The following CNBD1 variants were observed in gnomAD, a reference collection of about 807,000 sequenced individuals.
The protein encoded by CNBD1 is cyclic nucleotide-binding domain-containing protein 1.
Under a neutral mutation model 54.4 loss-of-function variants are expected in CNBD1, and 71 were observed. The observed-to-expected ratio is 1.30, with a 90% CI of 1.08 to 1.59. The LOEUF (loss-of-function observed/expected upper bound fraction) is 1.59. Among genes scored for constraint, CNBD1 ranks in the 40% most tolerant of loss-of-function variants. CNBD1 has a pLI of 0.00. For synonymous variants in CNBD1, 182 were observed against 170.7 expected, an observed-to-expected ratio of 1.07 and a Z score of -0.51; for missense variants, 659 against 518.0, an observed-to-expected ratio of 1.27 and a Z score of -2.64.
Position 87,287,170 on chromosome 8 carries a change from T to C in CNBD1, c.1042+499T>C, listed in dbSNP as rs565418476. Among the ~76,000 whole-genome samples the C allele has an allele frequency of 9.2e-4, 140 of 152,300 alleles. 2 individuals carry two copies. The highest frequency in any genetic ancestry group is 9.2e-3 in the Admixed American group (140 of 15,282). On this transcript the variant is annotated intron_variant, in intron 8 of 10. Transcript: ENST00000518476. ...TAAGAGAAAGCAGCAGTGAAGCACC[T>C]ACATTTTCAATATTCAGCATAGCAA...
chr8:87,345,182 C>G (rs1009309679), intron 8 of CNBD1, among the ~76,000 whole-genome samples: 2 of 152,080 alleles, frequency 1.3e-5, no homozygotes, highest in African/African-American at 4.8e-5. Flanking sequence ...CACACAATAT[C>G]TTATTGAAAT....
chr8:87,419,353 G>T (rs1807887111), intron 2 of CNBD1, among the ~76,000 whole-genome samples: 1 of 151,812 alleles, frequency 6.6e-6, no homozygotes, highest in African/African-American at 2.4e-5. Context: ...TCTTCAGTAT[G>T]AAAATGGTCT....
chr8:87,259,894 T>C (rs964664514), intron 6 of CNBD1, among the ~76,000 whole-genome samples: 1 of 152,176 alleles, frequency 6.6e-6, no homozygotes, highest in Non-Finnish European at 1.5e-5. Flanking sequence ...TGACTTTAGA[T>C]AGGCCAAATG....
intron 4 of CNBD1, among the ~76,000 whole-genome samples, chr8:86,989,536 T>G (rs1808694020): frequency 6.6e-6 from 1 of 152,088 alleles, no homozygotes; most frequent in Non-Finnish European, 1.5e-5. Flanking sequence ...CTGCAACCTC[T>G]GCCTCCCAGG....
chr8:86,901,036 A>G (rs1808924472), intron 2 of CNBD1, among the ~76,000 whole-genome samples: 1 of 152,184 alleles, frequency 6.6e-6, no homozygotes, highest in Admixed American at 6.5e-5. Flanking sequence ...TCACATTTCC[A>G]AAAAATTTTT....
intron 8 of CNBD1, among the ~76,000 whole-genome samples, chr8:87,336,557 G>A (rs1048340609): frequency 3.9e-5 from 6 of 152,120 alleles, no homozygotes; most frequent in Admixed American, 2.6e-4. Flanking sequence ...GGTCATTTAT[G>A]TTTCTCTCTA....
chr8:86,910,310 A>G (rs984999219), intron 3 of CNBD1, among the ~76,000 whole-genome samples: 1 of 152,190 alleles, frequency 6.6e-6, no homozygotes, highest in Non-Finnish European at 1.5e-5. Flanking sequence ...GATTATCCCA[A>G]TTCCCTCTTG....
chr8:87,268,380 C>A (rs1808303273), intron 6 of CNBD1, among the ~76,000 whole-genome samples: 1 of 152,012 alleles, frequency 6.6e-6, no homozygotes, highest in Non-Finnish European at 1.5e-5. Context: ...GATTCCATGT[C>A]TTTGCTATTA....
intron 8 of CNBD1, among the ~76,000 whole-genome samples, chr8:87,343,467 C>T (rs547345857): frequency 6.6e-6 from 1 of 152,300 alleles, no homozygotes; most frequent in South Asian, 2.1e-4. Flanking sequence ...CAACTTAATT[C>T]TTCTGCCATG....
chr8:87,284,132 G>A (rs1430767507), intron 6 of CNBD1, among the ~76,000 whole-genome samples: 1 of 151,928 alleles, frequency 6.6e-6, no homozygotes, highest in Non-Finnish European at 1.5e-5. Flanking sequence ...TATAAATGTA[G>A]GTTCTCTGTG....
intron 8 of CNBD1, among the ~76,000 whole-genome samples, chr8:87,289,078 C>T (rs1029752491): frequency 2.6e-5 from 4 of 152,032 alleles, no homozygotes; most frequent in Non-Finnish European, 5.9e-5. Flanking sequence ...GAGAATGTAG[C>T]TCAAATTACA....
intron 4 of CNBD1, among the ~76,000 whole-genome samples, chr8:87,012,387 A>G (rs1045151630): frequency 2.6e-5 from 4 of 152,184 alleles, no homozygotes; most frequent in African/African-American, 9.7e-5. Context: ...TTAACCCTAT[A>G]TATTTTGACT....
At chr8:87,064,087 T>C (rs1461969797) in intron 4 of CNBD1, among the ~76,000 whole-genome samples, 2 of 151,972 alleles carry the variant, frequency 1.3e-5, no homozygotes, top group Admixed American at 6.6e-5. Flanking sequence ...ATACCCTTTT[T>C]CCCCTAGCAT....
rs1388402807 is a variant in CNBD1 at position 87,369,426 on chromosome 8, A to T, written c.1304-13194A>T. On this transcript the variant is annotated intron_variant, in intron 10 of 10. Coordinates refer to ENST00000518476, the MANE Select transcript of CNBD1 (RefSeq NM_173538.3). ...CTCATGCTCTTTATTTTTCATGTGG[A>T]ACTGAATTACCACATTCTATCCTTC... Among the ~76,000 whole-genome samples, 4 of 151,874 alleles carry T rather than the reference A, an allele frequency of 2.6e-5. No individual in the cohort carries two copies. In the East Asian group the frequency reaches 7.8e-4, roughly 29 times the overall value.
At chr8:87,046,114 C>T (rs1307539036) in intron 4 of CNBD1, among the ~76,000 whole-genome samples, 1 of 150,360 alleles carries the variant, frequency 6.7e-6, no homozygotes, top group Non-Finnish European at 1.5e-5. Flanking sequence ...ATCTAGGGCT[C>T]ATCTATTTTG....
intron 10 of CNBD1, among the ~76,000 whole-genome samples, chr8:87,362,591 AT>A (rs1379866356): frequency 1.3e-5 from 2 of 152,026 alleles, no homozygotes; most frequent in African/African-American, 4.8e-5. Flanking sequence ...ATAAAGTTAC[AT>A]TCTACCAAAG....
intron 8 of CNBD1, among the ~76,000 whole-genome samples, chr8:87,299,880 T>A (rs978251788): frequency 1.3e-5 from 2 of 152,230 alleles, no homozygotes; most frequent in Non-Finnish European, 2.9e-5. Flanking sequence ...ATCATGTATA[T>A]GCAGTGATCT....
chr8:87,275,135 G>A (rs112567871), intron 6 of CNBD1, among the ~76,000 whole-genome samples: 1 of 121,880 alleles, frequency 8.2e-6, no homozygotes, highest in Non-Finnish European at 1.8e-5. Flanking sequence ...TGATCTGTAT[G>A]TCTGTTTTGG....
At chr8:86,981,536 A>T (rs1808488253) in intron 4 of CNBD1, among the ~76,000 whole-genome samples, 1 of 152,188 alleles carries the variant, frequency 6.6e-6, no homozygotes, top group South Asian at 2.1e-4. Context: ...CAATTATATA[A>T]CCATCACCGC....
Sources: gnomAD v4.1 joint callset for allele counts (sites outside exome capture counted in the v4.1 genomes callset) on GRCh38, gnomAD v4.1.1 for gene constraint, MANE v1.5 for transcripts, NCBI Gene and HGNC (gene_info 2026-07-23, HGNC 2026-07-21) for gene names.